Variants in SPIRE1 observed in about 807,000 individuals in gnomAD.
SPIRE1 encodes protein spire homolog 1.
In SPIRE1, 40 loss-of-function variants were observed where a neutral mutation model predicts 94.1. The observed-to-expected ratio is 0.43, with a 90% CI of 0.33 to 0.55. The LOEUF (loss-of-function observed/expected upper bound fraction) is 0.55. Among genes scored for constraint, SPIRE1 ranks in the 20% least tolerant of loss-of-function variants. SPIRE1 has a pLI of 0.06. For missense variants in SPIRE1, 838 were observed against 975.2 expected, an observed-to-expected ratio of 0.86 and a Z score of 1.87; for synonymous variants, 376 against 371.7, an observed-to-expected ratio of 1.01 and a Z score of -0.13.
intron 9 of SPIRE1, among the ~76,000 whole-genome samples, chr18:12,485,432 CA>C (rs1193068649): frequency 6.6e-6 from 1 of 152,186 alleles, no homozygotes; most frequent in East Asian, 1.9e-4. Context: ...AATCAGCATT[CA>C]AAGTCATTCA....
rs185450206 is a variant in SPIRE1, at chr18:12,450,102, C to T, written c.2013-206G>A. Among the ~76,000 whole-genome samples, 341 of 151,672 alleles carry T rather than the reference C, an allele frequency of 2.2e-3. 3 individuals carry two copies. The highest frequency in any genetic ancestry group is 2.2e-3 in the Non-Finnish European group (149 of 67,910). On this transcript the variant is annotated intron_variant, in intron 16 of 16. Coordinates refer to ENST00000409402, the MANE Select transcript of SPIRE1 (RefSeq NM_001128626.2). ...AGAAAAGAAAGTAGGAGGCCTAGTG[C>T]GGTGGCTCACGCCTGTAATCCCAGC... is the stretch of plus-strand genomic sequence containing the variant.
At chr18:12,556,133 A>C (rs1380645972) in intron 2 of SPIRE1, among the ~76,000 whole-genome samples, 1 of 152,184 alleles carries the variant, frequency 6.6e-6, no homozygotes, top group Admixed American at 6.5e-5. Context: ...AAAACTATAA[A>C]ACACTGATGC....
Position 12,635,111 on chromosome 18 carries a change from A to G in SPIRE1, c.338-15T>C, listed in dbSNP as rs1598565463. ...TCCCAATTTACCTGTAATAAAAATG[A>G]AAAGGATTACTTTAAAAAGATTTCA... On this transcript the variant is annotated splice_polypyrimidine_tract_variant and intron_variant, in intron 1 of 16. Coordinates refer to ENST00000409402, the MANE Select transcript of SPIRE1 (RefSeq NM_001128626.2). 2 of 1,329,134 alleles carry G rather than the reference A, an allele frequency of 1.5e-6. No homozygotes were observed. The highest frequency in any genetic ancestry group is 2.1e-6 in the Non-Finnish European group (2 of 955,332). The allele number at this position is 1,329,134 out of a possible 1,614,324, so 82.3% of individuals were successfully genotyped here. A position where few individuals can be genotyped will look rare whatever the true frequency, so the allele number is the denominator to read the frequency against.
intron 2 of SPIRE1, among the ~76,000 whole-genome samples, chr18:12,625,007 T>G (rs1048964729): frequency 2.0e-5 from 3 of 150,696 alleles, no homozygotes; most frequent in Non-Finnish European, 4.4e-5. Flanking sequence ...CTGATAGACA[T>G]CTATGACTGT....
At position 12,479,701 on chromosome 18, in the gene SPIRE1, C is replaced by G; in HGVS notation, c.1402G>C (p.Glu468Gln). Reference protein sequence around the residue: ...TLAELDSSESEEETLHKSTSS... With the variant: ...TLAELDSSESQEETLHKSTSS... The stretch of plus-strand genomic sequence containing the variant: ...AGCTGGGTGAACTGGGGCCTCACCT[C>G]AGACTCAGAGCTGTCCAGTTCGGCC... Residue 468 changes from glutamate to glutamine, a missense_variant and splice_region_variant, in exon 10 of 17, where the codon GAG becomes CAG. This residue lies in a region of SPIRE1 where 645 missense variants were observed against 804.7 expected (regional missense o/e 0.80). Transcript: ENST00000409402. 6.2e-7 allele frequency: 1 copy of G among 1,605,234 alleles called. No individual in the cohort carries two copies. Among genetic ancestry groups the G allele is most frequent in the African/African-American group, 1.3e-5 (1 of 74,534 alleles).
At chr18:12,549,537 C>T (rs1248645426) in intron 2 of SPIRE1, among the ~76,000 whole-genome samples, 9 of 142,950 alleles carry the variant, frequency 6.3e-5, no homozygotes, top group African/African-American at 2.0e-4. Flanking sequence ...CTGCAATCTC[C>T]ACCTCCCGGG....
At chr18:12,621,633 G>A (rs1378419030) in intron 2 of SPIRE1, among the ~76,000 whole-genome samples, 4 of 152,152 alleles carry the variant, frequency 2.6e-5, no homozygotes, top group African/African-American at 4.8e-5. Flanking sequence ...CTATGAGTCC[G>A]TGCATATGCA....
intron 3 of SPIRE1, among the ~76,000 whole-genome samples, chr18:12,546,067 G>A (rs1331064861): frequency 6.6e-6 from 1 of 152,072 alleles, no homozygotes; most frequent in Admixed American, 6.6e-5. Context: ...TCAGCTCACT[G>A]CAAGCTCTGC....
At chr18:12,567,855 A>G (rs1458214081) in intron 2 of SPIRE1, among the ~76,000 whole-genome samples, 2 of 152,210 alleles carry the variant, frequency 1.3e-5, no homozygotes, top group Non-Finnish European at 2.9e-5. Context: ...TGCTTATACA[A>G]ATCAAGTAAG....
chr18:12,556,924 TC>T (rs35460472), intron 2 of SPIRE1, among the ~76,000 whole-genome samples: 4,846 of 152,242 alleles, frequency 0.032, 182 homozygotes, highest in Admixed American at 0.071. Context: ...CCCACCCATA[TC>T]CTGCTCATTG....
intron 1 of SPIRE1, among the ~76,000 whole-genome samples, chr18:12,648,362 T>C (rs900287124): frequency 2.0e-5 from 3 of 152,170 alleles, no homozygotes; most frequent in South Asian, 2.1e-4. Context: ...TGCCCCAACA[T>C]GATGTGATCA....
In SPIRE1 at chr18:12,512,676, C is replaced by A. The variant is rs958410659; in HGVS notation, c.730-145G>T. The stretch of plus-strand genomic sequence containing the variant: ...ATCTATTGCTCCGTAAACTCTAGGG[C>A]CAATTAAAATGGAACCCTGAGGATC... On this transcript the variant is annotated intron_variant, in intron 4 of 16. Coordinates refer to ENST00000409402, the MANE Select transcript of SPIRE1 (RefSeq NM_001128626.2). 1.2e-5 allele frequency: 7 copies of A among 564,888 alleles called. No individual in the cohort carries two copies. The Admixed American group carries it at 1.4e-4, about 11-fold the overall frequency. The allele number at this position is 564,888 out of a possible 1,614,324, so 35.0% of individuals were successfully genotyped here.
Position 12,518,718 on chromosome 18 carries a change from C to CA in SPIRE1, c.730-6188dup, listed in dbSNP as rs200017424. Among the ~76,000 whole-genome samples, 532 of 148,834 alleles carry CA rather than the reference C, an allele frequency of 3.6e-3. 7 individuals carry two copies. The highest frequency in any genetic ancestry group is 0.012 in the African/African-American group (486 of 40,544). On this transcript the variant is annotated intron_variant, in intron 4 of 16. Coordinates refer to ENST00000409402, the MANE Select transcript of SPIRE1 (RefSeq NM_001128626.2). Reference sequence around the variant, plus strand: ...AACAAAAACAAAAACAAAAACAAAACAAAAAAAAACAAAGAAATTACTTAC... The same window carrying CA: ...AACAAAAACAAAAACAAAAACAAAACAAAAAAAAAACAAAGAAATTACTTAC...
intron 2 of SPIRE1, among the ~76,000 whole-genome samples, chr18:12,604,310 G>A (rs915710896): frequency 2.0e-5 from 3 of 152,098 alleles, no homozygotes; most frequent in African/African-American, 7.2e-5. Flanking sequence ...GCATCAGAAC[G>A]GAACTGAATT....
At chr18:12,623,343 C>T (rs1355010481) in intron 2 of SPIRE1, among the ~76,000 whole-genome samples, 2 of 151,940 alleles carry the variant, frequency 1.3e-5, no homozygotes, top group African/African-American at 4.8e-5. Context: ...TTAGTAGAGA[C>T]AGGGTTTCAC....
At chr18:12,468,154 T>C (rs966660608) in intron 10 of SPIRE1, among the ~76,000 whole-genome samples, 3 of 152,022 alleles carry the variant, frequency 2.0e-5, no homozygotes, top group Non-Finnish European at 4.4e-5. Context: ...AGCAAATAGG[T>C]CAGAATGAAG....
In SPIRE1 at chr18:12,540,237, G is replaced by A. The variant is rs575652272; in HGVS notation, c.604-4636C>T. On this transcript the variant is annotated intron_variant, in intron 3 of 16. Coordinates refer to ENST00000409402, the MANE Select transcript of SPIRE1 (RefSeq NM_001128626.2). ...TGGCTTTTCCTTCCACTTTGTTTTG[G>A]TAATCCTAGACTTGTTTCTTTAAAA... Among the ~76,000 whole-genome samples, 3 of 152,164 alleles carry A rather than the reference G, an allele frequency of 2.0e-5. No individual in the cohort carries two copies. The South Asian group carries it at 6.2e-4, about 32-fold the overall frequency.
intron 10 of SPIRE1, among the ~76,000 whole-genome samples, chr18:12,472,333 A>G (rs1388998037): frequency 1.3e-5 from 2 of 151,890 alleles, no homozygotes; most frequent in Non-Finnish European, 2.9e-5. Flanking sequence ...GGTTAGCTCA[A>G]TACAAAACCA....
At chr18:12,494,460 C>G (rs924482050) in intron 7 of SPIRE1, among the ~76,000 whole-genome samples, 2 of 151,918 alleles carry the variant, frequency 1.3e-5, no homozygotes, top group Non-Finnish European at 2.9e-5. Context: ...GCCTGGGAGA[C>G]ACAGTGAGAC....
Sources: allele counts gnomAD v4.1 joint callset (sites outside exome capture counted in the v4.1 genomes callset), GRCh38; gene constraint gnomAD v4.1.1; regional missense constraint gnomAD v4.1.1; transcripts MANE v1.5; gene names NCBI Gene and HGNC (gene_info 2026-07-23, HGNC 2026-07-21).